The following IHO1 variants were observed in gnomAD, a reference collection of about 807,000 sequenced individuals.
IHO1 encodes interactor of HORMAD1 1, also known as interactor of HORMAD1 protein 1.
In IHO1, 13 loss-of-function variants were observed where a neutral mutation model predicts 31.0. That is an observed-to-expected ratio of 0.42 (90% CI 0.27 to 0.67). The LOEUF is 0.67. Among genes scored for constraint, IHO1 ranks in the 30% least tolerant of loss-of-function variants. The pLI is 0.24. For missense variants in IHO1, 599 were observed against 687.5 expected, an observed-to-expected ratio of 0.87 and a Z score of 1.44; for synonymous variants, 221 against 248.4, an observed-to-expected ratio of 0.89 and a Z score of 1.04.
At chr3:49,198,790 C>T (rs1412427592), upstream of IHO1, 2 of 152,386 alleles carry the variant, frequency 1.3e-5, no homozygotes, top group East Asian at 3.8e-4. Context: ...TTACATAGAT[C>T]CTTCCTGCCT....
chr3:49,221,514 C>T (rs1368685328), intron 2 of IHO1, among the ~76,000 whole-genome samples: 4 of 152,154 alleles, frequency 2.6e-5, no homozygotes, highest in Non-Finnish European at 5.9e-5. Flanking sequence ...CCTCTCAATC[C>T]CCCCTCTAAA....
chr3:49,257,015 G>T lies in IHO1; in HGVS notation c.1518G>T (p.Arg506Ser), dbSNP rs574660835. Residue 506 changes from arginine (R) to serine (S), a missense_variant, in exon 8 of 8, where the codon AGG becomes AGT. Arg to Ser is a moderately radical substitution (Grantham distance 110, BLOSUM62 -1). Transcript: ENST00000452691. The part of the protein sequence containing the change: ...RAQPLHLQCP[R>S]SPRKPVCPIL... ...AGCCTCTGCATCTGCAGTGTCCCAG[G>T]AGCCCCAGAAAACCAGTCTGCCCTA... The T allele has an allele frequency of 2.5e-6, 4 of 1,614,200 alleles. No individual in the cohort carries two copies. The South Asian group carries it at 3.3e-5, about 13-fold the overall frequency.
chr3:49,205,926 C>T lies in IHO1; in HGVS notation c.-15-5840C>T, dbSNP rs564486683. Reference sequence around the variant, plus strand: ...TTGGGACTACAGGCACGTGCCACCACGTCCAGCTAATTTTTGTATTTTTTT... The same window carrying T: ...TTGGGACTACAGGCACGTGCCACCATGTCCAGCTAATTTTTGTATTTTTTT... On this transcript the variant is annotated intron_variant, in intron 1 of 7. Transcript: ENST00000452691. Among the ~76,000 whole-genome samples, 26 of 150,554 alleles carry T rather than the reference C, an allele frequency of 1.7e-4. No homozygotes were observed. The Middle Eastern group carries it at 0.021, about 121-fold the overall frequency.
At chr3:49,216,808 C>T (rs1422688653) in intron 2 of IHO1, among the ~76,000 whole-genome samples, 1 of 152,004 alleles carries the variant, frequency 6.6e-6, no homozygotes, top group Non-Finnish European at 1.5e-5. Flanking sequence ...AAAAAAAACC[C>T]CATCAAAAAG....
upstream of IHO1, among the ~76,000 whole-genome samples, chr3:49,196,152 A>C (rs1258241403): frequency 6.8e-6 from 1 of 147,606 alleles, no homozygotes; most frequent in Non-Finnish European, 1.5e-5. Context: ...AATGGCATGA[A>C]CCCGAGAGGC....
intron 2 of IHO1, among the ~76,000 whole-genome samples, chr3:49,224,746 CT>C (rs2046398349): frequency 6.6e-6 from 1 of 152,204 alleles, no homozygotes; most frequent in Non-Finnish European, 1.5e-5. Context: ...AAGGGGACTT[CT>C]AAGATATCAT....
chr3:49,240,671 T>G (rs559188689), intron 3 of IHO1, among the ~76,000 whole-genome samples: 62 of 152,276 alleles, frequency 4.1e-4, no homozygotes, highest in Middle Eastern at 6.8e-3. Context: ...AGTCGGTGCT[T>G]TAAGTTAGTA....
At chr3:49,191,620 G>T in the IHO1 span, 1 of 1,059,882 alleles carries the variant, frequency 9.4e-7, no homozygotes, top group Non-Finnish European at 1.4e-6. Flanking sequence ...GAAGTGGGCG[G>T]CTCAGGGTCC....
chr3:49,225,864 G>A (rs2046411339), intron 2 of IHO1, among the ~76,000 whole-genome samples: 1 of 152,142 alleles, frequency 6.6e-6, no homozygotes, highest in Admixed American at 6.5e-5. Flanking sequence ...GGCCCTCGAT[G>A]GTTATACATA....
intron 2 of IHO1, among the ~76,000 whole-genome samples, chr3:49,217,240 A>G (rs143525278): frequency 1.4e-3 from 214 of 152,254 alleles, no homozygotes; most frequent in Non-Finnish European, 2.5e-3. Flanking sequence ...AACTAACCCA[A>G]ATGTTTATCA....
chr3:49,250,130 A>C (rs527396812), intron 6 of IHO1, among the ~76,000 whole-genome samples: 1 of 152,232 alleles, frequency 6.6e-6, no homozygotes, highest in Non-Finnish European at 1.5e-5. Context: ...ACACAAACAA[A>C]CACAGGACCT....
At chr3:49,201,771 A>G (rs1349420816) in intron 1 of IHO1, among the ~76,000 whole-genome samples, 1 of 152,062 alleles carries the variant, frequency 6.6e-6, no homozygotes, top group Non-Finnish European at 1.5e-5. Flanking sequence ...ACAAAAAATT[A>G]GCCAGGTATG....
chr3:49,220,431 G>A (rs943173403), intron 2 of IHO1, among the ~76,000 whole-genome samples: 11 of 152,176 alleles, frequency 7.2e-5, no homozygotes, highest in Non-Finnish European at 1.6e-4. Flanking sequence ...GAGTGTTACA[G>A]CTCTTAAAGA....
At chr3:49,236,510 T>G in intron 2 of IHO1, 38 bp from the exon 3 acceptor site, 1 of 1,438,490 alleles carries the variant, frequency 7.0e-7, no homozygotes, top group Non-Finnish European at 9.7e-7. Context: ...GTTCAGGATA[T>G]TTGTCTATTT....
chr3:49,251,654 T>C (rs1283282748), intron 6 of IHO1, among the ~76,000 whole-genome samples: 1 of 150,898 alleles, frequency 6.6e-6, no homozygotes, highest in Non-Finnish European at 1.5e-5. Context: ...CAGGCTGGAG[T>C]GCAATGGCGC....
At chr3:49,200,792 G>A (rs1157948743) in intron 1 of IHO1, among the ~76,000 whole-genome samples, 3 of 152,120 alleles carry the variant, frequency 2.0e-5, no homozygotes, top group Admixed American at 2.0e-4. Flanking sequence ...ACCTTAGAAC[G>A]AATACCTCTT....
rs191888908 is a variant in IHO1 at position 49,239,842 on chromosome 3, G to T, written c.232-1384G>T. ...ACGCCTGGCTAATTTTGTATTTTTAGTAGAGACGGGGTTTCTCCATGTTGG... is the reference window on the plus strand; with the variant it reads ...ACGCCTGGCTAATTTTGTATTTTTATTAGAGACGGGGTTTCTCCATGTTGG... On this transcript the variant is annotated intron_variant, in intron 3 of 7. Coordinates refer to ENST00000452691, the MANE Select transcript of IHO1 (RefSeq NM_001135197.2). Among the ~76,000 whole-genome samples the T allele has an allele frequency of 1.9e-3, 286 of 151,324 alleles. 3 individuals carry two copies. Among genetic ancestry groups the T allele is most frequent in the African/African-American group, 6.4e-3 (262 of 41,194 alleles).
At chr3:49,206,876 T>C (rs918585265) in intron 1 of IHO1, among the ~76,000 whole-genome samples, 13 of 151,782 alleles carry the variant, frequency 8.6e-5, no homozygotes, top group Non-Finnish European at 1.8e-4. Context: ...GGTGAAACCC[T>C]GTGTCTACTA....
intron 6 of IHO1, among the ~76,000 whole-genome samples, chr3:49,251,850 C>T (rs1559453356): frequency 6.6e-6 from 1 of 151,922 alleles, no homozygotes; most frequent in Non-Finnish European, 1.5e-5. Context: ...GATCTGCCCG[C>T]GTCGGCCACC....
Sources: gnomAD v4.1 joint callset for allele counts (sites outside exome capture counted in the v4.1 genomes callset) on GRCh38, gnomAD v4.1.1 for gene constraint, MANE v1.5 for transcripts, NCBI Gene and HGNC (gene_info 2026-07-23, HGNC 2026-07-21) for gene names.